The following ZFHX3 variants were observed in gnomAD, a reference collection of about 807,000 sequenced individuals.
ZFHX3 encodes the protein zinc finger homeobox 3.
A neutral mutation model predicts 279.1 loss-of-function variants in ZFHX3; 42 were observed. The observed-to-expected ratio is 0.15, with a 90% CI of 0.12 to 0.19. ZFHX3 has a LOEUF of 0.19. Among genes scored for constraint, ZFHX3 ranks in the 10% least tolerant of loss-of-function variants. ZFHX3 has a pLI of 1.00. For synonymous variants in ZFHX3, 2,293 were observed against 1,957.8 expected, an observed-to-expected ratio of 1.17 and a Z score of -4.52; for missense variants, 4,981 against 4,754.0, an observed-to-expected ratio of 1.05 and a Z score of -1.40.
chr16:73,241,774 GA>G (rs1414032419), intron 5 of ZFHX3, among the ~76,000 whole-genome samples: 2 of 86,412 alleles, frequency 2.3e-5, no homozygotes, highest in African/African-American at 9.4e-5. Context: ...GGGGCAATAA[GA>G]GCAAAACTCC....
chr16:73,631,990 A>T (rs1194095489), intron 2 of ZFHX3, among the ~76,000 whole-genome samples: 7 of 151,664 alleles, frequency 4.6e-5, no homozygotes, highest in Admixed American at 2.6e-4. Flanking sequence ...TATAAGTAAC[A>T]TTTATTTTAA....
chr16:73,498,161 A>G (rs1238248991), intron 2 of ZFHX3, among the ~76,000 whole-genome samples: 2 of 152,240 alleles, frequency 1.3e-5, no homozygotes, highest in African/African-American at 4.8e-5. Context: ...AAAGCGTAAC[A>G]GAAATGGTGA....
chr16:73,559,775 C>T (rs2020343027), intron 2 of ZFHX3, among the ~76,000 whole-genome samples: 1 of 152,070 alleles, frequency 6.6e-6, no homozygotes, highest in African/African-American at 2.4e-5. Context: ...GCCACCGTCC[C>T]CTCCCTGGTA....
intron 8 of ZFHX3, among the ~76,000 whole-genome samples, chr16:73,076,875 G>GTA (rs201195777): frequency 2.0e-5 from 3 of 149,518 alleles, no homozygotes; most frequent in Non-Finnish European, 2.9e-5. Context: ...ATGTGTGTGT[G>GTA]TATATATATA....
At chr16:73,133,578 ACT>A (rs2144823060) in intron 6 of ZFHX3, among the ~76,000 whole-genome samples, 1 of 152,278 alleles carries the variant, frequency 6.6e-6, no homozygotes, top group South Asian at 2.1e-4. Flanking sequence ...CCATGTGAAC[ACT>A]CTGGAGGAAG....
At position 72,787,440 on chromosome 16, in the gene ZFHX3, GGCGTGGGGGGAA is replaced by G; in HGVS notation, c.10824_10835del (p.Pro3610_Ser3613del). On this transcript the variant is annotated inframe_deletion, in exon 10 of 10. Transcript: ENST00000268489. ...CCACTTGCGGCCAAGACTTCCTGGAGGCGTGGGGGGAAGCGGAGGAGGGGGCGGCGGCCGACG... is the reference window on the plus strand; with the variant it reads ...CCACTTGCGGCCAAGACTTCCTGGAGGCGGAGGAGGGGGCGGCGGCCGACG... The G allele has an allele frequency of 6.2e-7, 1 of 1,605,858 alleles. No individual in the cohort carries two copies. Among genetic ancestry groups the G allele is most frequent in the Non-Finnish European group, 8.5e-7 (1 of 1,174,786 alleles).
intron 1 of ZFHX3, among the ~76,000 whole-genome samples, chr16:72,974,383 G>T (rs926125345): frequency 6.6e-6 from 1 of 152,160 alleles, no homozygotes. Context: ...GGCCTTGGGC[G>T]AAGGAAAGTT....
chr16:72,893,790 T>G (rs1163409387), intron 3 of ZFHX3, among the ~76,000 whole-genome samples: 1 of 152,174 alleles, frequency 6.6e-6, no homozygotes, highest in African/African-American at 2.4e-5. Flanking sequence ...AGAAAATTCA[T>G]GAAAGATTCA....
chr16:73,529,589 C>T (rs1248625611), intron 2 of ZFHX3, among the ~76,000 whole-genome samples: 1 of 152,224 alleles, frequency 6.6e-6, no homozygotes, highest in African/African-American at 2.4e-5. Flanking sequence ...AAACTACTCT[C>T]TGGCCAGTGC....
intron 3 of ZFHX3, among the ~76,000 whole-genome samples, chr16:73,322,239 G>C (rs1482481531): frequency 6.6e-6 from 1 of 151,442 alleles, no homozygotes; most frequent in African/African-American, 2.4e-5. Context: ...AAATCAGCCA[G>C]AAAGCACTGA....
chr16:73,107,998 A>G (rs1362066360), intron 7 of ZFHX3, among the ~76,000 whole-genome samples: 3 of 152,142 alleles, frequency 2.0e-5, no homozygotes, highest in African/African-American at 7.2e-5. Flanking sequence ...AGTCTCTACT[A>G]AAAATACAAA....
rs114892453 is a variant in ZFHX3 at position 73,148,243 on chromosome 16, G to T, written c.-1103-4412C>A. 2.0e-3 allele frequency among the ~76,000 whole-genome samples: 303 copies of T among 152,210 alleles called. 1 individual carries two copies. The highest frequency in any genetic ancestry group is 6.7e-3 in the African/African-American group (277 of 41,528). ...TACCATTTGGCCCTTTATAGTAAAC[G>T]TTTGCCAGCCCTGACCTACAACAAT... On this transcript the variant is annotated intron_variant, in intron 5 of 17. Coordinates refer to the ZFHX3 transcript ENST00000641206.
At chr16:72,834,255 A>C (rs1417456099) in intron 4 of ZFHX3, among the ~76,000 whole-genome samples, 1 of 152,168 alleles carries the variant, frequency 6.6e-6, no homozygotes, top group African/African-American at 2.4e-5. Flanking sequence ...CTCAAAAACA[A>C]AACAAAACAA....
At position 73,721,763 on chromosome 16, in the gene ZFHX3, G is replaced by C. The variant is rs2053475984; in HGVS notation, c.-1607-41523C>G. ...GCAGTTATAAACAATACCACTAGTG[G>C]GCCAGGCACAATGGCTCACACTGGT... On this transcript the variant is annotated intron_variant, in intron 1 of 17. Coordinates refer to the ZFHX3 transcript ENST00000641206. Among the ~76,000 whole-genome samples, 3 of 152,082 alleles carry C rather than the reference G, an allele frequency of 2.0e-5. No individual in the cohort carries two copies. The South Asian group carries it at 6.2e-4, about 32-fold the overall frequency.
intron 3 of ZFHX3, among the ~76,000 whole-genome samples, chr16:72,919,966 TG>T (rs1420270550): frequency 6.6e-6 from 1 of 151,728 alleles, no homozygotes; most frequent in Non-Finnish European, 1.5e-5. Context: ...GCTAATTTTT[TG>T]TATTTTTAGT....
At chr16:73,347,864 C>T (rs1264634793) in intron 3 of ZFHX3, among the ~76,000 whole-genome samples, 3 of 152,134 alleles carry the variant, frequency 2.0e-5, no homozygotes, top group East Asian at 1.9e-4. Flanking sequence ...AACTCATAAG[C>T]CTTTGTATGC....
At chr16:73,157,103 C>G (rs1967106534) in intron 5 of ZFHX3, among the ~76,000 whole-genome samples, 1 of 152,100 alleles carries the variant, frequency 6.6e-6, no homozygotes, top group Non-Finnish European at 1.5e-5. Context: ...CTCAGATGTG[C>G]CTGCCTCTGA....
chr16:72,841,103 G>C (rs2037334097), intron 4 of ZFHX3, among the ~76,000 whole-genome samples: 1 of 152,204 alleles, frequency 6.6e-6, no homozygotes, highest in Non-Finnish European at 1.5e-5. Context: ...ATCGTGGGGA[G>C]CCTTCAGGTG....
chr16:73,442,565 T>G (rs979335847), intron 3 of ZFHX3, among the ~76,000 whole-genome samples: 23 of 152,154 alleles, frequency 1.5e-4, no homozygotes, highest in African/African-American at 5.6e-4. Flanking sequence ...ACATAGGTGA[T>G]TATAATAGAA....
Sources: allele counts gnomAD v4.1 joint callset (sites outside exome capture counted in the v4.1 genomes callset), GRCh38; gene constraint gnomAD v4.1.1; transcripts MANE v1.5; gene names NCBI Gene and HGNC (gene_info 2026-07-23, HGNC 2026-07-21).